The following CDH18 variants were observed in gnomAD, a reference collection of about 807,000 sequenced individuals.
CDH18 encodes the protein cadherin-18.
Under a neutral mutation model 67.9 loss-of-function variants are expected in CDH18, and 31 were observed. The observed-to-expected ratio is 0.46, with a 90% CI of 0.34 to 0.62. The LOEUF is 0.62. Ranked by LOEUF, CDH18 falls within the 20% of genes least tolerant of loss-of-function variation. CDH18 has a pLI of 0.01. For synonymous variants in CDH18, 362 were observed against 347.2 expected (o/e 1.04, Z -0.48); for missense variants, 890 against 975.5 (o/e 0.91, Z 1.17).
At chr5:19,985,647 C>A (rs1295328724) in intron 1 of CDH18, among the ~76,000 whole-genome samples, 1 of 151,396 alleles carries the variant, frequency 6.6e-6, no homozygotes, top group Non-Finnish European at 1.5e-5. Flanking sequence ...TTAAGAAGGC[C>A]TAATCTAAAA....
intron 2 of CDH18, among the ~76,000 whole-genome samples, chr5:19,893,483 C>G (rs2150090117): frequency 6.6e-6 from 1 of 152,208 alleles, no homozygotes; most frequent in Middle Eastern, 3.4e-3. Flanking sequence ...ATTTTCAGGA[C>G]CACATAGACT....
At chr5:20,373,432 T>A (rs1461523132) in intron 1 of CDH18, among the ~76,000 whole-genome samples, 1 of 152,118 alleles carries the variant, frequency 6.6e-6, no homozygotes, top group African/African-American at 2.4e-5. Context: ...AGATTTCTAG[T>A]CCAATCTTTG....
At chr5:19,601,373 C>T (rs1383675733) in intron 6 of CDH18, among the ~76,000 whole-genome samples, 1 of 152,084 alleles carries the variant, frequency 6.6e-6, no homozygotes, top group South Asian at 2.1e-4. Flanking sequence ...TGAATATATT[C>T]TTTTAAATAT....
chr5:19,473,563 G>C lies in CDH18; in HGVS notation c.2036C>G (p.Pro679Arg). ...GTACTTGAGCTCCTCAGCAGCAGAAGGATTCCTCAAGGCTGTGATGTCAAA... is the reference window on the plus strand; with the variant it reads ...GTACTTGAGCTCCTCAGCAGCAGAACGATTCCTCAAGGCTGTGATGTCAAA... ...EAFDITALRN[P>R]SAAEELKYRR... Residue 679 changes from proline (P) to arginine (R), a missense_variant, in exon 13 of 13, where the codon CCT (proline) becomes CGT (arginine). Physicochemically the swap from Pro to Arg is moderately radical, Grantham distance 103 (BLOSUM62 -2). Coordinates refer to ENST00000382275, the MANE Select transcript of CDH18 (RefSeq NM_004934.5). The C allele has an allele frequency of 6.2e-7, 1 of 1,613,860 alleles. No individual in the cohort carries two copies. The highest frequency in any genetic ancestry group is 1.3e-5 in the African/African-American group (1 of 74,984).
intron 2 of CDH18, among the ~76,000 whole-genome samples, chr5:19,887,395 T>TC (rs1257463382): frequency 6.6e-6 from 1 of 152,070 alleles, no homozygotes; most frequent in Non-Finnish European, 1.5e-5. Flanking sequence ...TTTATCCCTC[T>TC]CCTCATGATC....
At chr5:19,572,784 T>A (rs1741663938) in intron 7 of CDH18, among the ~76,000 whole-genome samples, 1 of 152,154 alleles carries the variant, frequency 6.6e-6, no homozygotes, top group Non-Finnish European at 1.5e-5. Flanking sequence ...GATTTCAACA[T>A]ATGAATTTTG....
chr5:20,548,022 T>A (rs955996060), intron 1 of CDH18, among the ~76,000 whole-genome samples: 1 of 150,016 alleles, frequency 6.7e-6, no homozygotes, highest in Non-Finnish European at 1.5e-5. Context: ...AGAAAATATA[T>A]AATACTGATT....
chr5:19,529,738 C>G (rs1002076837), intron 9 of CDH18, among the ~76,000 whole-genome samples: 1 of 151,866 alleles, frequency 6.6e-6, no homozygotes, highest in Non-Finnish European at 1.5e-5. Flanking sequence ...AAAACAAATA[C>G]GTGAAATGTT....
chr5:19,671,590 T>G (rs540088267), intron 5 of CDH18, among the ~76,000 whole-genome samples: 1 of 152,264 alleles, frequency 6.6e-6, no homozygotes, highest in Non-Finnish European at 1.5e-5. Context: ...AGTATTAGGT[T>G]ACATCATTTT....
chr5:20,194,471 T>C (rs1203910060), intron 2 of CDH18, among the ~76,000 whole-genome samples: 1 of 151,998 alleles, frequency 6.6e-6, no homozygotes, highest in Non-Finnish European at 1.5e-5. Context: ...TTATATATGC[T>C]AATCAGAGTT....
At chr5:20,241,181 G>A (rs922032199) in intron 2 of CDH18, among the ~76,000 whole-genome samples, 3 of 152,070 alleles carry the variant, frequency 2.0e-5, no homozygotes, top group African/African-American at 2.4e-5. Flanking sequence ...CAAGTATTAC[G>A]TTATTAACTT....
At chr5:19,970,667 G>A (rs973419659) in intron 2 of CDH18, among the ~76,000 whole-genome samples, 3 of 151,580 alleles carry the variant, frequency 2.0e-5, no homozygotes, top group Non-Finnish European at 4.4e-5. Context: ...CTAAGTTCAC[G>A]AGACTCATGG....
intron 7 of CDH18, among the ~76,000 whole-genome samples, chr5:19,588,696 TG>T (rs1057167789): frequency 6.6e-6 from 1 of 151,648 alleles, no homozygotes; most frequent in African/African-American, 2.4e-5. Flanking sequence ...CATAAAGGGA[TG>T]AAGAAAAATT....
chr5:20,508,393 G>A (rs1392277934), intron 1 of CDH18, among the ~76,000 whole-genome samples: 5 of 139,728 alleles, frequency 3.6e-5, no homozygotes, highest in African/African-American at 1.0e-4. Flanking sequence ...AACTTTTGCT[G>A]ATAAGCTATA....
At chr5:19,582,122 T>G (rs1254066150) in intron 7 of CDH18, among the ~76,000 whole-genome samples, 5 of 152,026 alleles carry the variant, frequency 3.3e-5, no homozygotes, top group African/African-American at 1.2e-4. Flanking sequence ...TACATTATAT[T>G]ATACAGAAAG....
At chr5:20,443,319 C>G (rs1749772620) in intron 1 of CDH18, among the ~76,000 whole-genome samples, 1 of 150,490 alleles carries the variant, frequency 6.6e-6, no homozygotes, top group South Asian at 2.1e-4. Context: ...TTAAGAGATA[C>G]ATCCATCGTA....
chr5:19,650,024 T>C (rs991373075), intron 5 of CDH18, among the ~76,000 whole-genome samples: 4 of 151,944 alleles, frequency 2.6e-5, no homozygotes, highest in Admixed American at 6.6e-5. Context: ...TTTTAAAAAA[T>C]TTTACTTTTT....
At chr5:20,332,136 T>A (rs1739244389) in intron 1 of CDH18, among the ~76,000 whole-genome samples, 1 of 152,088 alleles carries the variant, frequency 6.6e-6, no homozygotes, top group South Asian at 2.1e-4. Flanking sequence ...ATAAAAAAAA[T>A]TTGAACTCGA....
chr5:19,515,774 T>C (rs969020443), intron 10 of CDH18, among the ~76,000 whole-genome samples: 1 of 152,184 alleles, frequency 6.6e-6, no homozygotes, highest in Non-Finnish European at 1.5e-5. Flanking sequence ...GTTTTCTAAA[T>C]ATACAATCAT....
Sources: gnomAD v4.1 joint callset for allele counts (sites outside exome capture counted in the v4.1 genomes callset) on GRCh38, gnomAD v4.1.1 for gene constraint, MANE v1.5 for transcripts, NCBI Gene and HGNC (gene_info 2026-07-23, HGNC 2026-07-21) for gene names.